Variants in ABCC9 observed in about 807,000 individuals in gnomAD.
The protein encoded by ABCC9 is ATP-binding cassette sub-family C member 9.
ABCC9 carries 95 observed loss-of-function variants against 188.3 expected under a neutral mutation model. The ratio of observed to expected loss-of-function variants is 0.50; its 90% CI spans 0.43 to 0.60. The LOEUF (loss-of-function observed/expected upper bound fraction) is 0.60, where lower values mean the gene tolerates loss of function less well. ABCC9 is among the 20% of genes least tolerant of loss of function. ABCC9 has a pLI of 0.00. For synonymous variants in ABCC9, 659 were observed against 652.7 expected, an observed-to-expected ratio of 1.01 and a Z score of -0.15; for missense variants, 1,102 against 1,876.3, an observed-to-expected ratio of 0.59 and a Z score of 7.62.
At chr12:21,871,510 T>C (rs891642115) in intron 18 of ABCC9, among the ~76,000 whole-genome samples, 3 of 152,186 alleles carry the variant, frequency 2.0e-5, no homozygotes, top group African/African-American at 4.8e-5. Flanking sequence ...TTTTTCTTAA[T>C]TGGAGTTTAA....
intron 39 of ABCC9, among the ~76,000 whole-genome samples, chr12:21,802,667 C>T (rs569324920): frequency 5.9e-5 from 9 of 152,268 alleles, no homozygotes; most frequent in East Asian, 1.9e-4. Context: ...GGCTACCATA[C>T]GGAACCTGAA....
At chr12:21,887,453 A>C (rs992255672) in intron 15 of ABCC9, among the ~76,000 whole-genome samples, 1 of 152,182 alleles carries the variant, frequency 6.6e-6, no homozygotes, top group Non-Finnish European at 1.5e-5. Flanking sequence ...TCAAAAGATA[A>C]AATGCATCAG....
At chr12:21,838,007 G>T in intron 30 of ABCC9, 71 bp downstream of exon 30, 1 of 1,225,268 alleles carries the variant, frequency 8.2e-7, no homozygotes, top group Non-Finnish European at 1.2e-6. Flanking sequence ...GCAATGATCA[G>T]TTATTTGTAG....
Position 21,805,216 on chromosome 12 carries a change from G to T in ABCC9, c.4512+782C>A, listed in dbSNP as rs1356003940. On this transcript the variant is annotated intron_variant, in intron 39 of 39. Transcript: ENST00000261200. The stretch of plus-strand genomic sequence containing the variant: ...CCAAAGTGGAAAAGAGGCCATTCTT[G>T]TGGGCGAGCAAATTTGGGACAGTAT... 5 of 1,614,002 alleles carry T rather than the reference G, an allele frequency of 3.1e-6. No homozygotes were observed. The East Asian group carries it at 6.7e-5, about 22-fold the overall frequency.
intron 18 of ABCC9, among the ~76,000 whole-genome samples, chr12:21,866,090 A>G (rs774897924): frequency 6.6e-6 from 1 of 151,786 alleles, no homozygotes. Context: ...ACTTCAGACC[A>G]GAGAAAATAT....
rs1948433510 is a variant in ABCC9 at position 21,914,015 on chromosome 12, A to C, written c.817-949T>G. Among the ~76,000 whole-genome samples, 5 of 152,234 alleles carry C rather than the reference A, an allele frequency of 3.3e-5. No homozygotes were observed. The South Asian group carries it at 1.0e-3, about 31-fold the overall frequency. On this transcript the variant is annotated intron_variant, in intron 7 of 39. Coordinates refer to ENST00000261200, the MANE Select transcript of ABCC9 (RefSeq NM_020297.4). ...CAAACATCTTTACTTTAGCAGTTTT[A>C]AAAATTTTATGCAATACTTTTCCCA...
At chr12:21,824,168 GA>G (rs1943223132) in intron 31 of ABCC9, among the ~76,000 whole-genome samples, 1 of 152,230 alleles carries the variant, frequency 6.6e-6, no homozygotes, top group South Asian at 2.1e-4. Context: ...ACGTTCCATT[GA>G]TATCTAGTTT....
At chr12:21,820,981 C>G (rs963972179) in intron 31 of ABCC9, among the ~76,000 whole-genome samples, 2 of 152,190 alleles carry the variant, frequency 1.3e-5, no homozygotes, top group Admixed American at 1.3e-4. Context: ...CCATTATTAT[C>G]TCCAGCAATA....
rs777049470 is a variant in ABCC9 at position 21,894,091 on chromosome 12, C to T, written c.1743G>A (p.Leu581=). The T allele has an allele frequency of 3.7e-6, 6 of 1,613,790 alleles. No individual in the cohort carries two copies. The highest frequency in any genetic ancestry group is 5.1e-6 in the Non-Finnish European group (6 of 1,180,010). Residue 581 remains leucine (L), a synonymous_variant, in exon 14 of 40, where the codon CTG becomes CTA. Coordinates refer to ENST00000261200, the MANE Select transcript of ABCC9 (RefSeq NM_020297.4). The part of the protein sequence containing the change: ...AFASLSLFHI[L]VTPLFLLSTV... ...TGGAGAGCAGGAACAGTGGTGTGACCAGGATATGGAAGAGAGACAGTGAAG... is the reference window on the plus strand; with the variant it reads ...TGGAGAGCAGGAACAGTGGTGTGACTAGGATATGGAAGAGAGACAGTGAAG...
At chr12:21,892,717 T>C (rs1592163771) in intron 14 of ABCC9, among the ~76,000 whole-genome samples, 1 of 152,364 alleles carries the variant, frequency 6.6e-6, no homozygotes, top group East Asian at 1.9e-4. Context: ...ATTTGGTTTA[T>C]AAGATGATTT....
intron 6 of ABCC9, 48 bp downstream of exon 6, chr12:21,916,889 T>C (rs777067533): frequency 6.5e-6 from 10 of 1,532,798 alleles, no homozygotes; most frequent in African/African-American, 4.2e-5. Context: ...ATCTTTCATA[T>C]TGGGGTCTTG....
intron 16 of ABCC9, among the ~76,000 whole-genome samples, chr12:21,877,346 T>A (rs1307885867): frequency 3.3e-5 from 5 of 152,140 alleles, no homozygotes; most frequent in Admixed American, 3.3e-4. Context: ...TTTTAACTAG[T>A]TTTGTAAAAT....
chr12:21,923,625 A>G (rs997744275), intron 5 of ABCC9: 2 of 543,796 alleles, frequency 3.7e-6, no homozygotes, highest in African/African-American at 3.8e-5. Context: ...GACCAAGATC[A>G]CCAAATGATG....
At chr12:21,900,106 C>T (rs555836050) in intron 12 of ABCC9, among the ~76,000 whole-genome samples, 31 of 152,264 alleles carry the variant, frequency 2.0e-4, no homozygotes, top group Non-Finnish European at 2.9e-4. Flanking sequence ...CCCTCTGAGA[C>T]GAAGCTTCCA....
chr12:21,877,025 G>A (rs1178029879), intron 16 of ABCC9, among the ~76,000 whole-genome samples: 2 of 152,204 alleles, frequency 1.3e-5, no homozygotes, highest in African/African-American at 4.8e-5. Flanking sequence ...AGTCATGGAA[G>A]GAGGGTCGCA....
chr12:21,897,466 T>G (rs1367697290), intron 12 of ABCC9, among the ~76,000 whole-genome samples: 1 of 152,238 alleles, frequency 6.6e-6, no homozygotes, highest in Non-Finnish European at 1.5e-5. Context: ...ATGAAGCACT[T>G]GACATAGTGC....
chr12:21,925,619 G>C (rs960900987), intron 5 of ABCC9: 12 of 664,714 alleles, frequency 1.8e-5, no homozygotes, highest in Non-Finnish European at 3.3e-5. Context: ...CAAGAGCTCT[G>C]ATTCTTAAAA....
intron 12 of ABCC9, among the ~76,000 whole-genome samples, chr12:21,903,683 G>T (rs1206092190): frequency 6.6e-6 from 1 of 152,170 alleles, no homozygotes; most frequent in Non-Finnish European, 1.5e-5. Context: ...ATTCACAATT[G>T]CTACAAAGAG....
chr12:21,917,329 C>T lies in ABCC9; in HGVS notation c.407-226G>A, dbSNP rs572720524. On this transcript the variant is annotated intron_variant, in intron 5 of 39. Coordinates refer to ENST00000261200, the MANE Select transcript of ABCC9 (RefSeq NM_020297.4). The stretch of plus-strand genomic sequence containing the variant: ...GTTGAGTGCGTCCATCCTGACCGTA[C>T]ATGATAGATGGGAGGATGTAAAGAG... Among the ~76,000 whole-genome samples, 3 of 152,228 alleles carry T rather than the reference C, an allele frequency of 2.0e-5. No individual in the cohort carries two copies. The East Asian group carries it at 5.8e-4, about 29-fold the overall frequency.
Sources: gnomAD v4.1 joint callset for allele counts (sites outside exome capture counted in the v4.1 genomes callset) on GRCh38, gnomAD v4.1.1 for gene constraint, MANE v1.5 for transcripts, NCBI Gene and HGNC (gene_info 2026-07-23, HGNC 2026-07-21) for gene names.